NAV3: variants seen among roughly 807,000 people sequenced by gnomAD.
The protein encoded by NAV3 is neuron navigator 3.
NAV3 carries 87 observed loss-of-function variants against 244.7 expected under a neutral mutation model. The ratio of observed to expected loss-of-function variants is 0.36; its 90% CI spans 0.30 to 0.42. The LOEUF is 0.42. Ranked by LOEUF, NAV3 falls within the 20% of genes least tolerant of loss-of-function variation. The pLI, the probability that NAV3 is intolerant of heterozygous loss-of-function variation, is 1.00. For missense variants in NAV3, 2,663 were observed against 2,893.3 expected (o/e 0.92, Z 1.83); for synonymous variants, 1,126 against 1,042.2 (o/e 1.08, Z -1.55).
intron 9 of NAV3, among the ~76,000 whole-genome samples, chr12:78,031,607 T>C (rs539692052): frequency 3.3e-5 from 5 of 151,410 alleles, no homozygotes; most frequent in South Asian, 2.1e-4. Context: ...AAATTGGAAA[T>C]CATCATTCTC....
intron 2 of NAV3, among the ~76,000 whole-genome samples, chr12:77,778,571 C>T (rs1227550123): frequency 2.0e-5 from 3 of 146,946 alleles, no homozygotes; most frequent in Non-Finnish European, 4.5e-5. Flanking sequence ...GAGATCGCGC[C>T]ACTGCACTCC....
chr12:78,164,811 G>A lies in NAV3; in HGVS notation c.4870-3944G>A, dbSNP rs569509229. The stretch of plus-strand genomic sequence containing the variant: ...TAGTGCCAATGTGAGGACCTAAAAA[G>A]CAGATGTGGTGGAAAATTTAAACAG... On this transcript the variant is annotated intron_variant, in intron 23 of 39. Transcript: ENST00000397909. 5.3e-5 allele frequency among the ~76,000 whole-genome samples: 8 copies of A among 152,136 alleles called. 1 individual carries two copies. The South Asian group carries it at 1.7e-3, about 32-fold the overall frequency.
At chr12:78,032,857 C>T (rs1472104558) in intron 9 of NAV3, among the ~76,000 whole-genome samples, 1 of 152,158 alleles carries the variant, frequency 6.6e-6, no homozygotes, top group Non-Finnish European at 1.5e-5. Flanking sequence ...AAATTTTCAT[C>T]CCACTGGTAC....
chr12:77,961,589 T>G, intron 3 of NAV3, among the ~76,000 whole-genome samples: 1 of 136,472 alleles, frequency 7.3e-6, no homozygotes, highest in African/African-American at 2.7e-5. Flanking sequence ...ATTATGTATC[T>G]GTAATATATA....
rs201288621 is a variant in NAV3 at position 78,118,062 on chromosome 12, C to T, written c.2805C>T (p.Asp935=). The change falls in exon 14 of 40, where the codon GAC becomes GAT. Residue 935 remains aspartate (D), a synonymous_variant. Coordinates refer to ENST00000397909, the MANE Select transcript of NAV3 (RefSeq NM_001024383.2). ...ATTCAGAGAAACGCTCCACCACAGA[C>T]GAGACCTGGGATAGTCCTGAGGAAC... ...RTDSEKRSTT[D]ETWDSPEELK... 29 of 1,613,670 alleles carry T rather than the reference C, an allele frequency of 1.8e-5. No individual in the cohort carries two copies. Among genetic ancestry groups the T allele is most frequent in the African/African-American group, 1.2e-4 (9 of 74,992 alleles).
intron 22 of NAV3, among the ~76,000 whole-genome samples, chr12:78,153,151 T>C (rs1957141014): frequency 1.3e-5 from 2 of 152,060 alleles, no homozygotes; most frequent in Admixed American, 6.6e-5. Context: ...CAATAACTTG[T>C]ATTTTAATTT....
At chr12:77,764,956 T>C (rs1437130457) in intron 2 of NAV3, among the ~76,000 whole-genome samples, 1 of 152,228 alleles carries the variant, frequency 6.6e-6, no homozygotes, top group East Asian at 1.9e-4. Context: ...AAAAATCCCT[T>C]AATGGTGCAT....
chr12:77,931,990 C>T (rs1888853804), intron 1 of NAV3, among the ~76,000 whole-genome samples: 1 of 151,854 alleles, frequency 6.6e-6, no homozygotes, highest in Non-Finnish European at 1.5e-5. Flanking sequence ...ATAATGATGG[C>T]CAGCTCATTG....
chr12:77,888,923 G>A (rs921981850), intron 1 of NAV3, among the ~76,000 whole-genome samples: 4 of 152,062 alleles, frequency 2.6e-5, no homozygotes, highest in Non-Finnish European at 4.4e-5. Context: ...ATGGACAAGT[G>A]ATTTCTTGAA....
rs563230854 is a variant in NAV3, at chr12:77,724,645, T to C, written c.72+152379T>C. Among the ~76,000 whole-genome samples, 30 of 152,034 alleles carry C rather than the reference T, an allele frequency of 2.0e-4. No homozygotes were observed. In the South Asian group the frequency reaches 6.0e-3, roughly 30 times the overall value. ...CATTTGCTCTTGGTGGTGTCCTCTCTAGATCATTTCCTCCATTCAGTAATA... is the reference window on the plus strand; with the variant it reads ...CATTTGCTCTTGGTGGTGTCCTCTCCAGATCATTTCCTCCATTCAGTAATA... On this transcript the variant is annotated intron_variant, in intron 2 of 8. Transcript: ENST00000550042.
intron 2 of NAV3, among the ~76,000 whole-genome samples, chr12:77,810,929 C>T (rs759619937): frequency 9.9e-5 from 15 of 151,994 alleles, no homozygotes; most frequent in African/African-American, 2.9e-4. Context: ...TGTAGGGTGA[C>T]GAAAGCAAAA....
At chr12:77,643,174 A>G (rs187121890) in intron 2 of NAV3, among the ~76,000 whole-genome samples, 164 of 152,138 alleles carry the variant, frequency 1.1e-3, no homozygotes, top group African/African-American at 3.8e-3. Context: ...TATGTTCTGT[A>G]TACAGAATTG....
chr12:77,655,710 G>A (rs1419459737), intron 2 of NAV3, among the ~76,000 whole-genome samples: 2 of 152,134 alleles, frequency 1.3e-5, no homozygotes, highest in Non-Finnish European at 2.9e-5. Context: ...CAGAGAGAAA[G>A]GTCGGGTTAC....
rs11394815 is a variant in NAV3, at chr12:77,914,837, C to CTTT, written c.244-25470_244-25468dup. On this transcript the variant is annotated intron_variant, in intron 1 of 39. Coordinates refer to ENST00000397909, the MANE Select transcript of NAV3 (RefSeq NM_001024383.2). ...GTTAAGAAATGCAGAGATTCTTTGT[C>CTTT]TTTTTTTTTTTTTTAATTATCTGAT... Among the ~76,000 whole-genome samples the CTTT allele has an allele frequency of 4.9e-5, 7 of 143,792 alleles. No homozygotes were observed. In the East Asian group the frequency reaches 8.1e-4, roughly 17 times the overall value. The allele number at this position is 143,792 out of a possible 152,430, so 94.3% of individuals were successfully genotyped here. A position where few individuals can be genotyped will look rare whatever the true frequency, so the allele number is the denominator to read the frequency against.
At chr12:77,691,359 A>ATATATATATC (rs1195596212) in intron 2 of NAV3, among the ~76,000 whole-genome samples, 2 of 138,254 alleles carry the variant, frequency 1.4e-5, no homozygotes, top group Admixed American at 7.3e-5. Context: ...ATATATACAT[A>ATATATATATC]TCCATTCTTG....
intron 39 of NAV3, among the ~76,000 whole-genome samples, 176 bp downstream of exon 39, chr12:78,205,314 T>C (rs200444442): frequency 6.6e-6 from 1 of 152,142 alleles, no homozygotes; most frequent in Non-Finnish European, 1.5e-5. Context: ...AAAACCAAAC[T>C]TGTATGCTTA....
intron 4 of NAV3, among the ~76,000 whole-genome samples, chr12:77,967,923 T>A (rs1892655416): frequency 6.6e-6 from 1 of 152,152 alleles, no homozygotes; most frequent in Non-Finnish European, 1.5e-5. Context: ...TTGGAAGATA[T>A]ACCTACACAT....
In NAV3 at chr12:77,968,595, TCAA is replaced by T; in HGVS notation, c.570_572del (p.Gln191del). 6.2e-7 allele frequency: 1 copy of T among 1,614,096 alleles called. No individual in the cohort carries two copies. Among genetic ancestry groups the T allele is most frequent in the East Asian group, 2.2e-5 (1 of 44,864 alleles). On this transcript the variant is annotated inframe_deletion, in exon 5 of 40. Transcript: ENST00000397909. ...CTCGCTACAAGCAGCAACAACACCA[TCAA>T]CAACAGTACTATCAGTCCTTGGTGG... is the stretch of plus-strand genomic sequence containing the variant.
intron 19 of NAV3, 89 bp downstream of exon 19, chr12:78,137,454 G>A (rs1593742554): frequency 7.5e-7 from 1 of 1,327,728 alleles, no homozygotes; most frequent in Non-Finnish European, 1.0e-6. Flanking sequence ...AAAGATTCCT[G>A]AAGAGGAAAA....
Sources: gnomAD v4.1 joint callset for allele counts (sites outside exome capture counted in the v4.1 genomes callset) on GRCh38, gnomAD v4.1.1 for gene constraint, MANE v1.5 for transcripts, NCBI Gene and HGNC (gene_info 2026-07-23, HGNC 2026-07-21) for gene names.